The following TBC1D9 variants were observed in gnomAD, a reference collection of about 807,000 sequenced individuals.
TBC1D9 encodes the protein TBC1 domain family member 9, also known as TBC1 domain family member 9A.
TBC1D9 carries 63 observed loss-of-function variants against 132.0 expected under a neutral mutation model. That is an observed-to-expected ratio of 0.48 (90% confidence interval 0.39 to 0.59). The LOEUF (loss-of-function observed/expected upper bound fraction) is 0.59, where lower values mean the gene tolerates loss of function less well. TBC1D9 is among the 20% of genes least tolerant of loss of function. The probability of loss-of-function intolerance (pLI) is 0.00; values close to 1 mark genes in which losing one functional copy is unlikely to be tolerated. For synonymous variants in TBC1D9, 610 were observed against 609.9 expected, an observed-to-expected ratio of 1.00 and a Z score of 0.00; for missense variants, 1,261 against 1,592.7, an observed-to-expected ratio of 0.79 and a Z score of 3.54.
intron 2 of TBC1D9, among the ~76,000 whole-genome samples, chr4:140,696,284 C>T (rs1737956612): frequency 6.6e-6 from 1 of 151,584 alleles, no homozygotes; most frequent in South Asian, 2.1e-4. Flanking sequence ...AGGTGAAACC[C>T]CGTCTCTACT....
chr4:140,710,610 C>G (rs965339903), intron 1 of TBC1D9, among the ~76,000 whole-genome samples: 4 of 152,256 alleles, frequency 2.6e-5, no homozygotes, highest in Middle Eastern at 6.8e-3. Context: ...CTCCTAAGCA[C>G]CCTCAAAAGG....
chr4:140,679,894 G>T, intron 3 of TBC1D9, 51 bp from the exon 4 acceptor site: 1 of 1,435,374 alleles, frequency 7.0e-7, no homozygotes, highest in Non-Finnish European at 9.5e-7. Flanking sequence ...TATGACTAGA[G>T]ATGTACATAT....
intron 2 of TBC1D9, among the ~76,000 whole-genome samples, chr4:140,697,300 C>T (rs1455014243): frequency 2.0e-5 from 3 of 152,008 alleles, no homozygotes; most frequent in Non-Finnish European, 4.4e-5. Flanking sequence ...GAGGATCACT[C>T]AAGCCTGGGA....
chr4:140,686,305 A>G (rs1025004782), intron 3 of TBC1D9, 39 bp downstream of exon 3: 2 of 1,215,746 alleles, frequency 1.6e-6, no homozygotes, highest in Non-Finnish European at 1.2e-6. Context: ...TAAATTTGAA[A>G]TTATTTCCAA....
intron 13 of TBC1D9, chr4:140,643,998 A>G (rs750870776): frequency 1.9e-6 from 1 of 530,388 alleles, no homozygotes; most frequent in Non-Finnish European, 3.6e-6. Flanking sequence ...GTCCTCCCGC[A>G]GCGGCTCTGG....
chr4:140,692,456 G>A lies in TBC1D9; in HGVS notation c.242-5994C>T, dbSNP rs182268417. Reference sequence around the variant, plus strand: ...GGCAAGAGTATTACTCCATATACTGGAGCAACCTTTAATCTGTCCCTGTAT... The same window carrying A: ...GGCAAGAGTATTACTCCATATACTGAAGCAACCTTTAATCTGTCCCTGTAT... On this transcript the variant is annotated intron_variant, in intron 2 of 20. Coordinates refer to ENST00000442267, the MANE Select transcript of TBC1D9 (RefSeq NM_015130.3). 3.2e-3 allele frequency among the ~76,000 whole-genome samples: 485 copies of A among 152,178 alleles called. 5 individuals carry two copies. The highest frequency in any genetic ancestry group is 0.011 in the African/African-American group (458 of 41,532).
chr4:140,751,180 G>C (rs753599384), intron 1 of TBC1D9, among the ~76,000 whole-genome samples: 8 of 152,096 alleles, frequency 5.3e-5, no homozygotes, highest in Non-Finnish European at 1.2e-4. Context: ...TGTAACCCAT[G>C]AATCTAAAAG....
intron 8 of TBC1D9, 62 bp from the exon 9 acceptor site, chr4:140,669,129 G>C: frequency 6.5e-7 from 1 of 1,537,166 alleles, no homozygotes; most frequent in Non-Finnish European, 9.0e-7. Flanking sequence ...AGAGAAGAGT[G>C]ATGGAAGGTC....
chr4:140,727,820 G>T (rs1227464466), intron 1 of TBC1D9, among the ~76,000 whole-genome samples: 2 of 151,980 alleles, frequency 1.3e-5, no homozygotes, highest in Non-Finnish European at 2.9e-5. Flanking sequence ...AAAAAAAAGG[G>T]GTGGGAATGG....
chr4:140,734,411 C>A (rs980824247), intron 1 of TBC1D9, among the ~76,000 whole-genome samples: 3 of 152,072 alleles, frequency 2.0e-5, no homozygotes, highest in South Asian at 2.1e-4. Flanking sequence ...ATTACAGGCA[C>A]GAGCCACCAC....
intron 1 of TBC1D9, chr4:140,715,648 A>C (rs1678409061): frequency 1.3e-5 from 2 of 152,256 alleles, no homozygotes; most frequent in African/African-American, 4.8e-5. Context: ...AACACAGATA[A>C]AAATAGTGGC....
intron 13 of TBC1D9, chr4:140,644,510 C>A (rs560102055): frequency 1.0e-4 from 29 of 291,374 alleles, no homozygotes; most frequent in Non-Finnish European, 1.7e-4. Flanking sequence ...GGGGGGCTTT[C>A]GCAGCAGCAT....
intron 1 of TBC1D9, among the ~76,000 whole-genome samples, chr4:140,747,488 T>C (rs1367545080): frequency 6.6e-6 from 1 of 152,210 alleles, no homozygotes; most frequent in African/African-American, 2.4e-5. Flanking sequence ...ATCTACCTTA[T>C]AATGTCAGAT....
chr4:140,750,567 A>G (rs1738908552), intron 1 of TBC1D9, among the ~76,000 whole-genome samples: 1 of 152,084 alleles, frequency 6.6e-6, no homozygotes, highest in South Asian at 2.1e-4. Context: ...TGAAACACCT[A>G]GGAATAAATA....
intron 2 of TBC1D9, among the ~76,000 whole-genome samples, chr4:140,690,251 T>C (rs769545478): frequency 6.6e-6 from 1 of 152,110 alleles, no homozygotes; most frequent in Non-Finnish European, 1.5e-5. Context: ...TAATCTTGCA[T>C]TGAAGTTCAG....
At chr4:140,669,341 G>A (rs1578833065) in intron 8 of TBC1D9, among the ~76,000 whole-genome samples, 1 of 152,156 alleles carries the variant, frequency 6.6e-6, no homozygotes, top group Non-Finnish European at 1.5e-5. Context: ...CCAAGTGAAA[G>A]TAAGTTAATG....
In TBC1D9 at chr4:140,639,409, G is replaced by A. The variant is rs751523316; in HGVS notation, c.2357C>T (p.Ala786Val). The A allele has an allele frequency of 6.2e-7, 1 of 1,611,736 alleles. No homozygotes were observed. Among genetic ancestry groups the A allele is most frequent in the Non-Finnish European group, 8.5e-7 (1 of 1,178,892 alleles). ...TSYEKFGTIR[A>V]DLIEQMRFKQ... ...GAATCTCATCTGTTCAATCAAATCT[G>A]CCCGGATAGTTCCGAATTTCTGTAA... Residue 786 changes from alanine (A) to valine (V), a missense_variant, in exon 14 of 21, where the codon GCA (alanine) becomes GTA (valine). This residue lies in a region of TBC1D9 where 618 missense variants were observed against 724.4 expected (regional missense o/e 0.85). Coordinates refer to ENST00000442267, the MANE Select transcript of TBC1D9 (RefSeq NM_015130.3).
rs778444177 is a variant in TBC1D9 at position 140,661,933 on chromosome 4, G to A, written c.1763C>T (p.Thr588Ile). The A allele has an allele frequency of 1.2e-6, 2 of 1,613,968 alleles. No homozygotes were observed. The highest frequency in any genetic ancestry group is 1.7e-4 in the Middle Eastern group (1 of 6,040). ...MGIAALRRVLTAYAFRNPNIG... is the reference protein window; with the variant it reads ...MGIAALRRVLIAYAFRNPNIG... ...GTTGGGATTTCGAAAAGCATAAGCT[G>A]TTAAGACTCTCCTTAGTGCAGCAAT... is the stretch of plus-strand genomic sequence containing the variant. Residue 588 changes from threonine to isoleucine, a missense_variant, in exon 10 of 21, where the codon ACA (threonine) becomes ATA (isoleucine). Thr to Ile is a moderately conservative substitution (Grantham distance 89, BLOSUM62 -1). Coordinates refer to ENST00000442267, the MANE Select transcript of TBC1D9 (RefSeq NM_015130.3).
rs113919828 is a variant in TBC1D9 at position 140,701,282 on chromosome 4, G to A, written c.241+222C>T. On this transcript the variant is annotated intron_variant, in intron 2 of 20. Coordinates refer to ENST00000442267, the MANE Select transcript of TBC1D9 (RefSeq NM_015130.3). ...CCAGAGAGTGTCACTACACATGGAGGAGGCCACATGATCCCAACACGACTC... is the reference window on the plus strand; with the variant it reads ...CCAGAGAGTGTCACTACACATGGAGAAGGCCACATGATCCCAACACGACTC... Among the ~76,000 whole-genome samples, 416 of 152,278 alleles carry A rather than the reference G, an allele frequency of 2.7e-3. 3 individuals carry two copies. Among genetic ancestry groups the A allele is most frequent in the African/African-American group, 8.8e-3 (365 of 41,564 alleles).
Sources: gnomAD v4.1 joint callset for allele counts (sites outside exome capture counted in the v4.1 genomes callset) on GRCh38, gnomAD v4.1.1 for gene constraint, gnomAD v4.1.1 regional missense constraint, MANE v1.5 for transcripts, NCBI Gene and HGNC (gene_info 2026-07-23, HGNC 2026-07-21) for gene names.